RBPJ: variants seen among roughly 807,000 people sequenced by gnomAD.
The protein encoded by RBPJ is recombining binding protein suppressor of hairless.
Under a neutral mutation model 67.8 loss-of-function variants are expected in RBPJ, and 9 were observed. That is an observed-to-expected ratio of 0.13 (90% CI 0.08 to 0.23). RBPJ has a LOEUF of 0.23. Ranked by LOEUF, RBPJ falls within the 10% of genes least tolerant of loss-of-function variation. RBPJ has a pLI of 1.00. For synonymous variants in RBPJ, 198 were observed against 203.3 expected (o/e 0.97, Z 0.22); for missense variants, 305 against 595.6 (o/e 0.51, Z 5.08).
chr4:26,249,819 T>C (rs112427373), intron 1 of RBPJ, among the ~76,000 whole-genome samples: 36,435 of 144,636 alleles, frequency 0.25, 4,724 homozygotes, highest in African/African-American at 0.27. Context: ...GATGGAGTTT[T>C]GCTCCAGCCC....
upstream of RBPJ, among the ~76,000 whole-genome samples, chr4:26,316,372 CATTCATATATAT>C (rs1560258135): frequency 7.0e-6 from 1 of 142,826 alleles, no homozygotes; most frequent in South Asian, 2.2e-4. Context: ...TTCATATATA[CATTCATATATAT>C]ACATTCATAT....
intron 1 of RBPJ, among the ~76,000 whole-genome samples, chr4:26,328,358 G>C (rs909799733): frequency 2.3e-4 from 35 of 152,264 alleles, no homozygotes; most frequent in African/African-American, 7.9e-4. Context: ...GACACTCTTT[G>C]TGCTGGTCCT....
intron 1 of RBPJ, among the ~76,000 whole-genome samples, chr4:26,177,129 T>TATTC (rs1441695804): frequency 6.6e-6 from 1 of 152,178 alleles, no homozygotes; most frequent in African/African-American, 2.4e-5. Flanking sequence ...AGCTCCTAGA[T>TATTC]ATTCATAAGC....
intron 1 of RBPJ, among the ~76,000 whole-genome samples, chr4:26,327,961 G>C (rs1233002577): frequency 1.3e-5 from 2 of 152,092 alleles, no homozygotes; most frequent in Non-Finnish European, 2.9e-5. Context: ...AAAATAATGT[G>C]AACAGTCTAT....
At chr4:26,389,965 C>T (rs940757131) in intron 2 of RBPJ, among the ~76,000 whole-genome samples, 1 of 152,070 alleles carries the variant, frequency 6.6e-6, no homozygotes, top group African/African-American at 2.4e-5. Flanking sequence ...TACCCTGTTG[C>T]GAAAAGTAGG....
chr4:26,321,072 C>T, intron 1 of RBPJ, 24 bp downstream of exon 1: 1 of 1,571,562 alleles, frequency 6.4e-7, no homozygotes, highest in Non-Finnish European at 8.7e-7. Context: ...AATCGGAGCG[C>T]CGGGAACCGG....
intron 1 of RBPJ, among the ~76,000 whole-genome samples, chr4:26,322,698 T>G (rs1245143429): frequency 2.0e-5 from 3 of 151,608 alleles, no homozygotes; most frequent in Non-Finnish European, 4.4e-5. Context: ...TAATAGCCTG[T>G]AGTGAGATTA....
intron 2 of RBPJ, among the ~76,000 whole-genome samples, chr4:26,388,200 T>C (rs1313662152): frequency 6.6e-6 from 1 of 152,146 alleles, no homozygotes; most frequent in Non-Finnish European, 1.5e-5. Flanking sequence ...TCTCACTATG[T>C]TGCCCAGGCT....
At chr4:26,358,726 T>C (rs1267328930) in intron 1 of RBPJ, among the ~76,000 whole-genome samples, 4 of 151,624 alleles carry the variant, frequency 2.6e-5, no homozygotes, top group Admixed American at 2.6e-4. Context: ...GAGGCTGCAG[T>C]GAGCCATAAT....
the RBPJ span, among the ~76,000 whole-genome samples, chr4:26,139,897 CTG>C: frequency 3.3e-5 from 5 of 152,160 alleles, no homozygotes; most frequent in African/African-American, 1.2e-4. Flanking sequence ...AAAGATGCTC[CTG>C]TGTCCCACAG....
chr4:26,202,356 C>T (rs1718008753), intron 1 of RBPJ, among the ~76,000 whole-genome samples: 1 of 150,856 alleles, frequency 6.6e-6, no homozygotes, highest in African/African-American at 2.4e-5. Context: ...CCTAAGCAAA[C>T]AGTGGCAATA....
intron 1 of RBPJ, among the ~76,000 whole-genome samples, chr4:26,272,350 T>A (rs184844820): frequency 3.0e-4 from 46 of 152,304 alleles, no homozygotes; most frequent in Admixed American, 2.7e-3. Context: ...AGGATCACTT[T>A]AGGCTGGGAG....
At chr4:26,396,393 C>T (rs1405843126) in intron 2 of RBPJ, among the ~76,000 whole-genome samples, 2 of 152,206 alleles carry the variant, frequency 1.3e-5, no homozygotes, top group African/African-American at 4.8e-5. Context: ...ACTATGCGGT[C>T]TGATCCCTGG....
At chr4:26,276,099 A>C (rs1319149746) in intron 1 of RBPJ, among the ~76,000 whole-genome samples, 6 of 149,810 alleles carry the variant, frequency 4.0e-5, no homozygotes, top group African/African-American at 1.2e-4. Flanking sequence ...ACATGGTGAA[A>C]CCGCATCTCT....
intron 1 of RBPJ, among the ~76,000 whole-genome samples, chr4:26,360,552 A>C (rs181118157): frequency 6.6e-6 from 1 of 151,428 alleles, no homozygotes; most frequent in East Asian, 1.9e-4. Context: ...GACTGTAGTA[A>C]CTAGCATGGA....
intron 1 of RBPJ, among the ~76,000 whole-genome samples, chr4:26,215,317 G>T (rs1718666531): frequency 2.2e-5 from 2 of 89,902 alleles, no homozygotes; most frequent in Non-Finnish European, 4.3e-5. Flanking sequence ...AAAAGAGAAA[G>T]AAAGAAAGAA....
chr4:26,221,999 C>T (rs1353589373), intron 1 of RBPJ, among the ~76,000 whole-genome samples: 3 of 152,086 alleles, frequency 2.0e-5, no homozygotes, highest in Admixed American at 1.3e-4. Context: ...TAATGGGTAG[C>T]AATTTCTAGA....
intron 1 of RBPJ, among the ~76,000 whole-genome samples, chr4:26,361,553 T>C (rs555122821): frequency 1.2e-4 from 19 of 152,208 alleles, no homozygotes; most frequent in Admixed American, 1.1e-3. Flanking sequence ...TGTTTTCATC[T>C]ACGTCTTTCC....
At chr4:26,117,525 C>T in the RBPJ span, among the ~76,000 whole-genome samples, 1 of 152,050 alleles carries the variant, frequency 6.6e-6, no homozygotes, top group African/African-American at 2.4e-5. Context: ...TGCTGACCAC[C>T]TACTAAGTGA....
Sources: allele counts gnomAD v4.1 joint callset (sites outside exome capture counted in the v4.1 genomes callset), GRCh38; gene constraint gnomAD v4.1.1; transcripts MANE v1.5; gene names NCBI Gene and HGNC (gene_info 2026-07-23, HGNC 2026-07-21).